The following NHLRC3 variants were observed in gnomAD, a reference collection of about 807,000 sequenced individuals.
The protein encoded by NHLRC3 is NHL repeat-containing protein 3.
In NHLRC3, 23 loss-of-function variants were observed where a neutral mutation model predicts 32.0. The ratio of observed to expected loss-of-function variants is 0.72; its 90% CI spans 0.52 to 1.02. NHLRC3 has a LOEUF of 1.02. Ranked by LOEUF, NHLRC3 falls within the 50% of genes least tolerant of loss-of-function variation. The probability of loss-of-function intolerance (pLI) is 0.00; values close to 1 mark genes in which losing one functional copy is unlikely to be tolerated. For missense variants in NHLRC3, 407 were observed against 406.8 expected (o/e 1.00, Z -0.01); for synonymous variants, 159 against 147.9 (o/e 1.08, Z -0.55).
chr13:39,038,975 C>A (rs1871329382), intron 1 of NHLRC3, 161 bp from the exon 2 acceptor site: 1 of 651,154 alleles, frequency 1.5e-6, no homozygotes, highest in Non-Finnish European at 2.7e-6. Context: ...TCGTGTTGGT[C>A]TTTAGGCATC....
intron 5 of NHLRC3, among the ~76,000 whole-genome samples, chr13:39,044,942 C>A (rs752714197): frequency 6.6e-6 from 1 of 152,198 alleles, no homozygotes; most frequent in South Asian, 2.1e-4. Context: ...AGATGTCAGG[C>A]TGTTGAAAGT....
intron 3 of NHLRC3, chr13:39,041,199 CTTT>C (rs932213538): frequency 6.8e-6 from 1 of 146,646 alleles, no homozygotes; most frequent in East Asian, 2.0e-4. Flanking sequence ...ACAAATTAGC[CTTT>C]TTTTTTTGAG....
chr13:39,046,570 C>A (rs9532317), intron 5 of NHLRC3, among the ~76,000 whole-genome samples: 151,212 of 152,324 alleles, frequency 0.99, 75,063 homozygotes, highest in East Asian at 1. Context: ...ATACTGCAAT[C>A]TGAATGAATA....
rs1193434684 is a variant in NHLRC3 at position 39,047,961 on chromosome 13, C to T, written c.*35C>T. ...CCTGGGAATATTTCAAGTGGCAGTT[C>T]AGATTCTCAATTCACTAAGTGCTTA... On this transcript the variant is annotated 3_prime_UTR_variant, in exon 7 of 7. Transcript: ENST00000379600. The T allele has an allele frequency of 3.2e-6, 5 of 1,544,672 alleles. No homozygotes were observed. The highest frequency in any genetic ancestry group is 2.7e-5 in the African/African-American group (2 of 73,760).
intron 4 of NHLRC3, 132 bp downstream of exon 4, chr13:39,042,437 T>G (rs1871503019): frequency 1.7e-6 from 1 of 582,280 alleles, no homozygotes; most frequent in African/African-American, 1.9e-5. Flanking sequence ...ACGAGAAAAC[T>G]GAAAAACAGA....
At position 39,047,850 on chromosome 13, in the gene NHLRC3, A is replaced by G. The variant is rs1871746116; in HGVS notation, c.968A>G (p.Tyr323Cys). Reference protein sequence around the residue: ...LEVDRKTGAVYVAEIGAKQVQ... With the variant: ...LEVDRKTGAVCVAEIGAKQVQ... ...GTCGACAGAAAGACTGGAGCAGTCT[A>G]TGTAGCAGAAATTGGAGCAAAACAA... is the stretch of plus-strand genomic sequence containing the variant. The change falls in exon 7 of 7, where the codon TAT (tyrosine) becomes TGT (cysteine). Residue 323 changes from tyrosine to cysteine, a missense_variant. By Grantham distance (194) the Tyr-to-Cys change is radical (BLOSUM62 -2). Coordinates refer to ENST00000379600, the MANE Select transcript of NHLRC3 (RefSeq NM_001012754.4). The G allele has an allele frequency of 3.1e-6, 5 of 1,613,714 alleles. No individual in the cohort carries two copies. The highest frequency in any genetic ancestry group is 1.3e-5 in the African/African-American group (1 of 74,914).
At position 39,047,965 on chromosome 13, in the gene NHLRC3, T is replaced by C; in HGVS notation, c.*39T>C. 1.3e-6 allele frequency: 2 copies of C among 1,530,898 alleles called. No individual in the cohort carries two copies. Among genetic ancestry groups the C allele is most frequent in the Non-Finnish European group, 1.8e-6 (2 of 1,116,758 alleles). The allele number at this position is 1,530,898 out of a possible 1,614,324, so 94.8% of individuals were successfully genotyped here. On this transcript the variant is annotated 3_prime_UTR_variant, in exon 7 of 7. Coordinates refer to ENST00000379600, the MANE Select transcript of NHLRC3 (RefSeq NM_001012754.4). ...GGAATATTTCAAGTGGCAGTTCAGA[T>C]TCTCAATTCACTAAGTGCTTAAAAA...
intron 3 of NHLRC3, chr13:39,041,104 G>C (rs959938141): frequency 6.6e-6 from 1 of 151,998 alleles, no homozygotes; most frequent in African/African-American, 2.4e-5. Context: ...TTCCATTACA[G>C]CTAATTTTCT....
intron 3 of NHLRC3, chr13:39,040,174 C>T: frequency 6.8e-6 from 1 of 147,488 alleles, no homozygotes; most frequent in Non-Finnish European, 1.5e-5. Context: ...GGTGACACAG[C>T]GACACTCTGT....
intron 1 of NHLRC3, 75 bp downstream of exon 1, chr13:39,038,798 ATGGAG>A: frequency 8.1e-7 from 1 of 1,237,700 alleles, no homozygotes; most frequent in East Asian, 2.3e-5. Context: ...CGGTCGTGGC[ATGGAG>A]GTGGCAGGCC....
chr13:39,039,209 C>G lies in NHLRC3; in HGVS notation c.158C>G (p.Pro53Arg). 6.2e-7 allele frequency: 1 copy of G among 1,613,900 alleles called. No individual in the cohort carries two copies. The highest frequency in any genetic ancestry group is 8.5e-7 in the Non-Finnish European group (1 of 1,179,814). ...KILYRLDVGW[P>R]KHPEYFTGTT... ...CTTTACCGGCTGGATGTGGGTTGGC[C>G]TAAGCACCCAGAATATTTTACCGGA... The change falls in exon 2 of 7, where the codon CCT (proline) becomes CGT (arginine). Residue 53 changes from proline (P) to arginine (R), a missense_variant. Coordinates refer to ENST00000379600, the MANE Select transcript of NHLRC3 (RefSeq NM_001012754.4).
At chr13:39,038,989 G>A in intron 1 of NHLRC3, 147 bp from the exon 2 acceptor site, 1 of 679,984 alleles carries the variant, frequency 1.5e-6, no homozygotes, top group Non-Finnish European at 2.5e-6. Context: ...AGGCATCTAA[G>A]CTCATTTCTT....
chr13:39,044,230 T>TGTGGGTGG (rs779866655), intron 5 of NHLRC3, 49 bp downstream of exon 5: 15 of 279,508 alleles, frequency 5.4e-5, no homozygotes, highest in African/African-American at 4.6e-4. Flanking sequence ...TGAATATGTT[T>TGTGGGTGG]GTGTGTGTGT....
Position 39,049,099 on chromosome 13 carries a change from C to G in NHLRC3, c.*1173C>G, listed in dbSNP as rs530731960. 6 of 148,242 alleles carry G rather than the reference C, an allele frequency of 4.0e-5. No homozygotes were observed. Among genetic ancestry groups the G allele is most frequent in the African/African-American group, 1.5e-4 (6 of 39,592 alleles). The allele number at this position is 148,242 out of a possible 1,614,324, so 9.2% of individuals were successfully genotyped here. A position where few individuals can be genotyped will look rare whatever the true frequency, so the allele number is the denominator to read the frequency against. ...TAGCTTATTATAGGTTTTGGAGGAA[C>G]TTTGCCATTTTGTAATCTTTCAAAT... On this transcript the variant is annotated 3_prime_UTR_variant, in exon 7 of 7. Coordinates refer to ENST00000379600, the MANE Select transcript of NHLRC3 (RefSeq NM_001012754.4).
chr13:39,041,089 A>G (rs1018408040), intron 3 of NHLRC3: 8 of 152,108 alleles, frequency 5.3e-5, no homozygotes, highest in African/African-American at 7.2e-5. Context: ...CGATCTCTTC[A>G]TTTTTTCCAT....
intron 4 of NHLRC3, among the ~76,000 whole-genome samples, chr13:39,042,968 C>A (rs1349793282): frequency 6.6e-6 from 1 of 152,122 alleles, no homozygotes; most frequent in Non-Finnish European, 1.5e-5. Context: ...GCAGAAAATA[C>A]AATTTGGGAT....
intron 6 of NHLRC3, among the ~76,000 whole-genome samples, chr13:39,047,410 C>T (rs1397369064): frequency 1.3e-5 from 2 of 152,160 alleles, no homozygotes; most frequent in Non-Finnish European, 2.9e-5. Context: ...CCCAGCCTAA[C>T]ATCAATTCTT....
intron 4 of NHLRC3, 49 bp from the exon 5 acceptor site, chr13:39,044,041 A>G (rs771194901): frequency 7.9e-7 from 1 of 1,263,952 alleles, no homozygotes; most frequent in Non-Finnish European, 1.2e-6. Flanking sequence ...ATGCAAATGC[A>G]TGAGACATTC....
At chr13:39,042,504 A>G (rs375758818) in intron 4 of NHLRC3, among the ~76,000 whole-genome samples, 199 bp downstream of exon 4, 1 of 152,222 alleles carries the variant, frequency 6.6e-6, no homozygotes, top group African/African-American at 2.4e-5. Context: ...ATTCTTCACC[A>G]AAGGCCAGGA....
Sources: gnomAD v4.1 joint callset for allele counts (sites outside exome capture counted in the v4.1 genomes callset) on GRCh38, gnomAD v4.1.1 for gene constraint, MANE v1.5 for transcripts, NCBI Gene and HGNC (gene_info 2026-07-23, HGNC 2026-07-21) for gene names.